The following MAP4 variants were observed in gnomAD, a reference collection of about 807,000 sequenced individuals.
MAP4 encodes the protein microtubule-associated protein 4.
In MAP4, 76 loss-of-function variants were observed where a neutral mutation model predicts 170.2. That is an observed-to-expected ratio of 0.45 (90% CI 0.37 to 0.54). The LOEUF (loss-of-function observed/expected upper bound fraction) is 0.54. Among genes scored for constraint, MAP4 ranks in the 20% least tolerant of loss-of-function variants. The pLI is 0.00. For missense variants in MAP4, 2,506 were observed against 2,748.0 expected (o/e 0.91, Z 1.97); for synonymous variants, 909 against 994.5 (o/e 0.91, Z 1.62).
intron 1 of MAP4, among the ~76,000 whole-genome samples, chr3:48,004,888 G>GAA (rs1252998512): frequency 6.6e-6 from 1 of 151,774 alleles, no homozygotes; most frequent in Non-Finnish European, 1.5e-5. Context: ...CATAAACCCT[G>GAA]AGCTGCCTGA....
At chr3:47,974,092 T>G in intron 3 of MAP4, 1 of 985,330 alleles carries the variant, frequency 1.0e-6, no homozygotes, top group Non-Finnish European at 1.2e-6. Context: ...TATTCTAATC[T>G]TACCATCTCA....
intron 1 of MAP4, among the ~76,000 whole-genome samples, chr3:48,083,867 C>T (rs1487603034): frequency 6.6e-6 from 1 of 150,998 alleles, no homozygotes; most frequent in African/African-American, 2.4e-5. Context: ...GCTGGGATTA[C>T]AGGCGCTTGC....
At chr3:48,014,249 C>A (rs76285342) in intron 1 of MAP4, among the ~76,000 whole-genome samples, 300 of 152,228 alleles carry the variant, frequency 2.0e-3, no homozygotes, top group African/African-American at 7.0e-3. Context: ...TTCTGAAGAA[C>A]CTTTTAAGCT....
rs909636477 is a variant in MAP4 at position 48,080,959 on chromosome 3, C to T, written c.-20+7814G>A. Among the ~76,000 whole-genome samples, 33 of 152,186 alleles carry T rather than the reference C, an allele frequency of 2.2e-4. 1 individual carries two copies. The highest frequency in any genetic ancestry group is 7.5e-4 in the African/African-American group (31 of 41,444). On this transcript the variant is annotated intron_variant, in intron 1 of 18. Coordinates refer to the MAP4 transcript ENST00000360240. ...CTAACACGGTGAAACCCCGTCTCTA[C>T]TAAAAATACAAAAAATTAGCCAGGC...
intron 2 of MAP4, among the ~76,000 whole-genome samples, chr3:47,996,029 C>T (rs1426097957): frequency 2.6e-5 from 4 of 152,184 alleles, no homozygotes; most frequent in Admixed American, 6.5e-5. Context: ...CTGCCGCATG[C>T]TCACAGGAAA....
intron 1 of MAP4, among the ~76,000 whole-genome samples, chr3:48,046,446 G>GA (rs1413480311): frequency 1.3e-5 from 2 of 152,158 alleles, no homozygotes; most frequent in African/African-American, 4.8e-5. Flanking sequence ...GTGTATATGA[G>GA]AACCACATAA....
chr3:48,045,556 C>A (rs768709153), intron 1 of MAP4, among the ~76,000 whole-genome samples: 1 of 152,096 alleles, frequency 6.6e-6, no homozygotes, highest in Non-Finnish European at 1.5e-5. Flanking sequence ...ATCCCCTCCC[C>A]CAGCGTCCCC....
chr3:47,884,514 A>G (rs2097262698), intron 10 of MAP4, among the ~76,000 whole-genome samples: 1 of 152,166 alleles, frequency 6.6e-6, no homozygotes, highest in Non-Finnish European at 1.5e-5. Flanking sequence ...AGTTCTGATG[A>G]CAATTTGGTT....
At chr3:48,029,646 T>A (rs1451341946) in intron 1 of MAP4, among the ~76,000 whole-genome samples, 1 of 152,150 alleles carries the variant, frequency 6.6e-6, no homozygotes, top group Non-Finnish European at 1.5e-5. Context: ...ACAACTAGTA[T>A]AATGGCAGAG....
chr3:47,910,264 T>C lies in MAP4; in HGVS notation c.4157A>G (p.Asp1386Gly). 6.2e-7 allele frequency: 1 copy of C among 1,604,124 alleles called. No homozygotes were observed. The highest frequency in any genetic ancestry group is 8.5e-7 in the Non-Finnish European group (1 of 1,179,088). ...CATGGGAACATGTATTTTTGTTGCATCTATCTTATTCTCCAGAATGTGCTT... is the reference window on the plus strand; with the variant it reads ...CATGGGAACATGTATTTTTGTTGCACCTATCTTATTCTCCAGAATGTGCTT... ...PEKHILENKI[D>G]ATKIHVPMET... The change falls in exon 9 of 21, where the codon GAT becomes GGT. Residue 1386 changes from aspartate to glycine, a missense_variant. Physicochemically the swap from Asp to Gly is moderately conservative, Grantham distance 94. Around this residue, in one of 3 missense-constraint regions of MAP4, gnomAD observed 2,008 missense variants for 2,206.0 expected, o/e 0.91. Coordinates refer to ENST00000683076, the MANE Select transcript of MAP4 (RefSeq NM_001385682.1).
At chr3:47,878,729 G>T (rs1336793384) in intron 10 of MAP4, among the ~76,000 whole-genome samples, 1 of 151,984 alleles carries the variant, frequency 6.6e-6, no homozygotes, top group Non-Finnish European at 1.5e-5. Flanking sequence ...GTAGAGACAG[G>T]GTTTCACCAT....
At chr3:47,928,406 T>C in intron 3 of MAP4, 56 bp from the exon 4 acceptor site, 1 of 1,552,802 alleles carries the variant, frequency 6.4e-7, no homozygotes, top group Non-Finnish European at 8.9e-7. Context: ...TCTCCTCCAC[T>C]ACAGTGGAAT....
chr3:47,862,817 TG>T (rs2070021742), intron 17 of MAP4, among the ~76,000 whole-genome samples: 1 of 152,170 alleles, frequency 6.6e-6, no homozygotes, highest in South Asian at 2.1e-4. Context: ...TATCTAGGAC[TG>T]GCTTCAAAAT....
chr3:47,940,633 C>T (rs928527562), intron 3 of MAP4, among the ~76,000 whole-genome samples: 2 of 152,128 alleles, frequency 1.3e-5, no homozygotes, highest in Non-Finnish European at 2.9e-5. Flanking sequence ...ACTTAAAGTA[C>T]TAATTAAACA....
At chr3:47,975,520 G>T in intron 3 of MAP4, 1 of 1,202,058 alleles carries the variant, frequency 8.3e-7, no homozygotes, top group Non-Finnish European at 1.2e-6. Flanking sequence ...AGAAAAGGGT[G>T]GAAAAGCACA....
At chr3:47,902,260 A>G (rs2100030449) in intron 10 of MAP4, among the ~76,000 whole-genome samples, 3 of 152,234 alleles carry the variant, frequency 2.0e-5, no homozygotes, top group African/African-American at 7.2e-5. Flanking sequence ...TAATGACCAC[A>G]CAGTATTTTT....
chr3:47,862,906 G>T lies in MAP4; in HGVS notation c.6501+4340C>A, dbSNP rs923812782. Among the ~76,000 whole-genome samples, 5 of 151,678 alleles carry T rather than the reference G, an allele frequency of 3.3e-5. No homozygotes were observed. In the South Asian group the frequency reaches 1.0e-3, roughly 32 times the overall value. On this transcript the variant is annotated intron_variant, in intron 17 of 20. Transcript: ENST00000683076. Reference sequence around the variant, plus strand: ...TGAGGCAGGGTAAAAGGTACATCAGGTTCATTTTACTGTTTTTTTCTACTT... The same window carrying T: ...TGAGGCAGGGTAAAAGGTACATCAGTTTCATTTTACTGTTTTTTTCTACTT...
intron 1 of MAP4, among the ~76,000 whole-genome samples, chr3:48,027,355 A>G (rs1296034342): frequency 1.3e-5 from 2 of 152,192 alleles, no homozygotes; most frequent in Non-Finnish European, 2.9e-5. Context: ...TAGGACAAAC[A>G]TCTCCCAACT....
Position 48,011,978 on chromosome 3 carries a change from G to A in MAP4, c.-20+4356C>T, listed in dbSNP as rs983450802. ...CTCAGTGAAACCCGAACTTTAATCC[G>A]GAAACTGTCCTGGGTAAATCCTGAG... On this transcript the variant is annotated intron_variant, in intron 1 of 20. Coordinates refer to ENST00000683076, the MANE Select transcript of MAP4 (RefSeq NM_001385682.1). 7.9e-5 allele frequency among the ~76,000 whole-genome samples: 12 copies of A among 152,112 alleles called. No homozygotes were observed. In the East Asian group the frequency reaches 1.7e-3, roughly 22 times the overall value.
Sources: gnomAD v4.1 joint callset for allele counts (sites outside exome capture counted in the v4.1 genomes callset) on GRCh38, gnomAD v4.1.1 for gene constraint, gnomAD v4.1.1 regional missense constraint, MANE v1.5 for transcripts, NCBI Gene and HGNC (gene_info 2026-07-23, HGNC 2026-07-21) for gene names.